SYNPR: variants seen among roughly 807,000 people sequenced by gnomAD.
The protein encoded by SYNPR is synaptoporin.
SYNPR carries 23 observed loss-of-function variants against 32.9 expected under a neutral mutation model. The ratio of observed to expected loss-of-function variants is 0.70; its 90% confidence interval spans 0.50 to 0.99. The LOEUF is 0.99. Among genes scored for constraint, SYNPR ranks in the 50% least tolerant of loss-of-function variants. The pLI is 0.00. For missense variants in SYNPR, 318 were observed against 349.3 expected (o/e 0.91, Z 0.71); for synonymous variants, 146 against 135.9 (o/e 1.07, Z -0.52).
intron 2 of SYNPR, among the ~76,000 whole-genome samples, chr3:63,433,088 C>T (rs887437222): frequency 6.6e-6 from 1 of 152,214 alleles, no homozygotes; most frequent in Non-Finnish European, 1.5e-5. Context: ...GGATCCATAT[C>T]ACAGAGTATT....
intron 3 of SYNPR, among the ~76,000 whole-genome samples, chr3:63,535,624 C>G (rs1702190456): frequency 6.6e-6 from 1 of 151,872 alleles, no homozygotes; most frequent in Non-Finnish European, 1.5e-5. Flanking sequence ...ATAAATAAAA[C>G]TTTACACTTA....
chr3:63,423,629 G>A (rs1024298349), intron 2 of SYNPR: 1 of 152,346 alleles, frequency 6.6e-6, no homozygotes, highest in African/African-American at 2.4e-5. Flanking sequence ...CGGTCATATT[G>A]CAGCAGGTTC....
chr3:63,405,479 A>G (rs910952179), intron 2 of SYNPR, among the ~76,000 whole-genome samples: 1 of 152,112 alleles, frequency 6.6e-6, no homozygotes, highest in Admixed American at 6.6e-5. Flanking sequence ...TGGCTGAATC[A>G]TAAAGGATGG....
intron 3 of SYNPR, among the ~76,000 whole-genome samples, chr3:63,532,852 A>G (rs1484156497): frequency 6.6e-6 from 1 of 152,224 alleles, no homozygotes; most frequent in Non-Finnish European, 1.5e-5. Flanking sequence ...ATGCTAAGAT[A>G]AAATTAAACT....
At chr3:63,230,586 G>T (rs2086159286) in intron 1 of SYNPR, among the ~76,000 whole-genome samples, 1 of 152,134 alleles carries the variant, frequency 6.6e-6, no homozygotes, top group South Asian at 2.1e-4. Flanking sequence ...CTTGGCAGGG[G>T]CTGTATATAA....
intron 2 of SYNPR, among the ~76,000 whole-genome samples, chr3:63,329,749 C>G (rs2106980841): frequency 6.6e-6 from 1 of 152,214 alleles, no homozygotes; most frequent in East Asian, 1.9e-4. Flanking sequence ...AAAACTTTCT[C>G]AAGTAAAGCT....
rs1484228681 is a variant in SYNPR at position 63,615,597 on chromosome 3, G to A, written c.*116G>A. The A allele has an allele frequency of 5.9e-6, 8 of 1,362,788 alleles. No individual in the cohort carries two copies. Among genetic ancestry groups the A allele is most frequent in the Non-Finnish European group, 7.9e-6 (8 of 1,014,894 alleles). 84.4% of individuals were successfully genotyped at this position (1,362,788 alleles called of 1,614,324 possible). The stretch of plus-strand genomic sequence containing the variant: ...TGCAGAGAGTATTGAATGTAAATCA[G>A]AGCTCTCTAGTCTTCATTAAGGCAG... On this transcript the variant is annotated 3_prime_UTR_variant, in exon 6 of 6. Transcript: ENST00000478300.
intron 4 of SYNPR, among the ~76,000 whole-genome samples, chr3:63,567,113 A>G (rs1702802882): frequency 6.6e-6 from 1 of 152,164 alleles, no homozygotes; most frequent in African/African-American, 2.4e-5. Flanking sequence ...CATTATAGAC[A>G]AATGCAATCA....
chr3:63,410,206 AG>A (rs1261140243), intron 2 of SYNPR, among the ~76,000 whole-genome samples: 1 of 152,180 alleles, frequency 6.6e-6, no homozygotes, highest in Non-Finnish European at 1.5e-5. Flanking sequence ...GATGTGGACT[AG>A]GTACTGCAAA....
At chr3:63,366,041 A>G (rs537826620) in intron 2 of SYNPR, among the ~76,000 whole-genome samples, 11 of 152,354 alleles carry the variant, frequency 7.2e-5, no homozygotes, top group Non-Finnish European at 1.2e-4. Flanking sequence ...TGTGCAATTC[A>G]TAAATATTTG....
intron 4 of SYNPR, among the ~76,000 whole-genome samples, chr3:63,576,642 T>A (rs1236019135): frequency 6.6e-6 from 1 of 151,686 alleles, no homozygotes; most frequent in Non-Finnish European, 1.5e-5. Flanking sequence ...ATACAAAAAA[T>A]TAGCTGGGCA....
intron 3 of SYNPR, among the ~76,000 whole-genome samples, chr3:63,493,591 G>T (rs1313123722): frequency 6.6e-6 from 1 of 151,944 alleles, no homozygotes; most frequent in Non-Finnish European, 1.5e-5. Context: ...AGAAGCAGGT[G>T]GATCACTTGA....
chr3:63,324,753 G>A (rs898605605), intron 2 of SYNPR, among the ~76,000 whole-genome samples: 7 of 152,082 alleles, frequency 4.6e-5, no homozygotes, highest in African/African-American at 1.4e-4. Context: ...GCAGCAAGTT[G>A]AGCTAGCTAT....
At chr3:63,516,231 A>C (rs908175815) in intron 3 of SYNPR, among the ~76,000 whole-genome samples, 4 of 152,088 alleles carry the variant, frequency 2.6e-5, no homozygotes, top group African/African-American at 9.7e-5. Flanking sequence ...AGAAAATGAC[A>C]TTCCATCTTG....
chr3:63,449,624 C>T (rs1350848991), intron 2 of SYNPR, among the ~76,000 whole-genome samples: 1 of 152,142 alleles, frequency 6.6e-6, no homozygotes, highest in East Asian at 1.9e-4. Flanking sequence ...TTGACCAAAT[C>T]CTCCCACCAT....
At chr3:63,595,756 T>C (rs184503402) in intron 4 of SYNPR, among the ~76,000 whole-genome samples, 1 of 47,294 alleles carries the variant, frequency 2.1e-5, no homozygotes, top group East Asian at 7.1e-4. Context: ...TATATATATA[T>C]ATATATATAT....
intron 2 of SYNPR, among the ~76,000 whole-genome samples, chr3:63,326,367 A>G (rs1383866535): frequency 6.6e-6 from 1 of 152,078 alleles, no homozygotes; most frequent in Non-Finnish European, 1.5e-5. Context: ...TTCATTTCTC[A>G]GGTTATATAT....
intron 3 of SYNPR, among the ~76,000 whole-genome samples, chr3:63,486,025 C>T (rs1701141988): frequency 6.6e-6 from 1 of 152,178 alleles, no homozygotes; most frequent in Non-Finnish European, 1.5e-5. Flanking sequence ...TCTCATGCCT[C>T]AGCTTTCTGA....
intron 2 of SYNPR, among the ~76,000 whole-genome samples, chr3:63,413,013 A>C (rs938362757): frequency 1.3e-5 from 2 of 152,178 alleles, no homozygotes; most frequent in Admixed American, 6.6e-5. Context: ...TCAGGGTTCC[A>C]AGTGTTCACG....
Sources: allele counts gnomAD v4.1 joint callset (sites outside exome capture counted in the v4.1 genomes callset), GRCh38; gene constraint gnomAD v4.1.1; transcripts MANE v1.5; gene names NCBI Gene and HGNC (gene_info 2026-07-23, HGNC 2026-07-21).